CDYL: variants seen among roughly 807,000 people sequenced by gnomAD.
CDYL encodes the protein chromodomain Y like.
CDYL carries 8 observed loss-of-function variants against 47.3 expected under a neutral mutation model. The ratio of observed to expected loss-of-function variants is 0.17; its 90% CI spans 0.10 to 0.31. The LOEUF is 0.31. Among genes scored for constraint, CDYL ranks in the 10% least tolerant of loss-of-function variants. CDYL has a pLI of 1.00. For synonymous variants in CDYL, 266 were observed against 265.0 expected (o/e 1.00, Z -0.04); for missense variants, 471 against 701.4 (o/e 0.67, Z 3.71).
intron 2 of CDYL, among the ~76,000 whole-genome samples, chr6:4,928,401 G>A (rs1757941684): frequency 6.6e-6 from 1 of 152,214 alleles, no homozygotes; most frequent in African/African-American, 2.4e-5. Context: ...TTTAATGTGT[G>A]TTTATTTTCT....
chr6:4,888,836 T>TG (rs1400570962), intron 1 of CDYL, among the ~76,000 whole-genome samples: 1 of 152,186 alleles, frequency 6.6e-6, no homozygotes, highest in Non-Finnish European at 1.5e-5. Flanking sequence ...TGAGACATTT[T>TG]GGGGGGAGGT....
At chr6:4,711,201 C>T (rs1483454886) in intron 1 of CDYL, among the ~76,000 whole-genome samples, 1 of 152,154 alleles carries the variant, frequency 6.6e-6, no homozygotes, top group Non-Finnish European at 1.5e-5. Flanking sequence ...ACCCTGGCCT[C>T]TAACGCTGTG....
At chr6:4,740,971 G>C (rs922376499) in intron 3 of CDYL, among the ~76,000 whole-genome samples, 11 of 152,158 alleles carry the variant, frequency 7.2e-5, no homozygotes, top group Non-Finnish European at 1.5e-4. Flanking sequence ...ATTTTTAGTA[G>C]AGATGGGGTT....
At chr6:4,878,812 GTTTA>G (rs1049833665) in intron 1 of CDYL, among the ~76,000 whole-genome samples, 1 of 151,052 alleles carries the variant, frequency 6.6e-6, no homozygotes, top group Non-Finnish European at 1.5e-5. Context: ...TTTGGGTGCA[GTTTA>G]TTTTTCTGTT....
intron 2 of CDYL, among the ~76,000 whole-genome samples, chr6:4,905,687 G>GCTTT (rs1454905672): frequency 1.3e-5 from 2 of 152,216 alleles, no homozygotes; most frequent in Non-Finnish European, 2.9e-5. Context: ...CCCAGCACTG[G>GCTTT]CTTTCTGCAT....
At chr6:4,822,380 A>G (rs995852501) in intron 1 of CDYL, among the ~76,000 whole-genome samples, 1 of 151,540 alleles carries the variant, frequency 6.6e-6, no homozygotes, top group Middle Eastern at 3.2e-3. Context: ...TTAAATAGAA[A>G]TATAAAAAGC....
intron 1 of CDYL, among the ~76,000 whole-genome samples, chr6:4,846,134 A>G (rs529469049): frequency 2.6e-5 from 4 of 152,152 alleles, no homozygotes; most frequent in Non-Finnish European, 4.4e-5. Context: ...TATAAATGCA[A>G]ATTCTGCGAT....
At chr6:4,927,261 T>G (rs200131675) in intron 2 of CDYL, among the ~76,000 whole-genome samples, 80 of 152,280 alleles carry the variant, frequency 5.3e-4, no homozygotes, top group African/African-American at 1.9e-3. Context: ...TCTTACAAAA[T>G]TGCTTTCTAG....
At chr6:4,952,216 C>T (rs375076375) in intron 5 of CDYL, 50 bp from the exon 6 acceptor site, 37 of 1,587,280 alleles carry the variant, frequency 2.3e-5, no homozygotes, top group African/African-American at 4.0e-5. Context: ...GGGTCTTCCC[C>T]GCCCGCCTCC....
rs138351400 is a variant in CDYL at position 4,878,017 on chromosome 6, A to G, written c.25-13696A>G. Among the ~76,000 whole-genome samples the G allele has an allele frequency of 5.3e-5, 8 of 152,318 alleles. 1 individual carries two copies. The highest frequency in any genetic ancestry group is 3.9e-4 in the East Asian group (2 of 5,192). On this transcript the variant is annotated intron_variant, in intron 1 of 6. Coordinates refer to ENST00000397588, the MANE Select transcript of CDYL (RefSeq NM_004824.4). ...TTCTCAGCAGTATTTTATTGCATCT[A>G]TTGAAATATGGCTTTTCTCTTCTAT...
chr6:4,863,706 A>G (rs1405951548), intron 1 of CDYL, among the ~76,000 whole-genome samples: 2 of 152,256 alleles, frequency 1.3e-5, no homozygotes, highest in Middle Eastern at 3.2e-3. Flanking sequence ...GCAAATTTTT[A>G]TAAGCATGTA....
intron 3 of CDYL, among the ~76,000 whole-genome samples, chr6:4,750,733 A>T (rs1296562423): frequency 6.6e-6 from 1 of 152,160 alleles, no homozygotes; most frequent in African/African-American, 2.4e-5. Context: ...GATTCTGTAC[A>T]TACTGTAAGT....
chr6:4,904,672 C>T (rs1757173344), intron 2 of CDYL, among the ~76,000 whole-genome samples: 1 of 152,212 alleles, frequency 6.6e-6, no homozygotes, highest in Non-Finnish European at 1.5e-5. Flanking sequence ...CTCAAATATA[C>T]TTTCAGCCCA....
At chr6:4,913,879 G>T (rs1239765052) in intron 2 of CDYL, among the ~76,000 whole-genome samples, 2 of 152,256 alleles carry the variant, frequency 1.3e-5, no homozygotes, top group Admixed American at 6.5e-5. Context: ...TTGGCCAGGA[G>T]CCCTTGTTGG....
At chr6:4,712,015 T>C (rs545300229) in intron 1 of CDYL, among the ~76,000 whole-genome samples, 47 of 152,094 alleles carry the variant, frequency 3.1e-4, no homozygotes, top group Admixed American at 2.0e-3. Flanking sequence ...CAGTGAGCCA[T>C]AACCACGCCA....
intron 2 of CDYL, among the ~76,000 whole-genome samples, chr6:4,925,414 T>TTC (rs1554108359): frequency 5.8e-5 from 8 of 138,242 alleles, no homozygotes; most frequent in Non-Finnish European, 9.2e-5. Context: ...TTTTTCTTTT[T>TTC]TTTTTTTTTT....
chr6:4,951,617 G>A (rs141308400), intron 5 of CDYL, among the ~76,000 whole-genome samples: 3 of 151,784 alleles, frequency 2.0e-5, no homozygotes, highest in Admixed American at 2.0e-4. Context: ...GTCATTTTTC[G>A]CCACATTCAA....
chr6:4,794,975 T>C (rs1759029106), intron 1 of CDYL, among the ~76,000 whole-genome samples: 1 of 152,156 alleles, frequency 6.6e-6, no homozygotes, highest in Non-Finnish European at 1.5e-5. Context: ...TTTTTTTCTT[T>C]TCGAACTCCT....
chr6:4,721,646 G>A lies in CDYL; in HGVS notation c.103+5765G>A, dbSNP rs144694127. On this transcript the variant is annotated intron_variant, in intron 2 of 8. Transcript: ENST00000328908. ...CCCACCCACCTCAGCCTCCAAAAGTGCTGGGACTACAGGCATGAGCCACCA... is the reference window on the plus strand; with the variant it reads ...CCCACCCACCTCAGCCTCCAAAAGTACTGGGACTACAGGCATGAGCCACCA... Among the ~76,000 whole-genome samples the A allele has an allele frequency of 1.3e-3, 203 of 152,248 alleles. 1 individual carries two copies. Among genetic ancestry groups the A allele is most frequent in the African/African-American group, 4.5e-3 (188 of 41,544 alleles).
Sources: gnomAD v4.1 joint callset for allele counts (sites outside exome capture counted in the v4.1 genomes callset) on GRCh38, gnomAD v4.1.1 for gene constraint, MANE v1.5 for transcripts, NCBI Gene and HGNC (gene_info 2026-07-23, HGNC 2026-07-21) for gene names.